Variants in TMEM65 observed in about 807,000 individuals in gnomAD.
TMEM65 encodes transmembrane protein 65.
In TMEM65, 22 loss-of-function variants were observed where a neutral mutation model predicts 25.4. The observed-to-expected ratio is 0.86, with a 90% CI of 0.62 to 1.23. The LOEUF (loss-of-function observed/expected upper bound fraction) is 1.23, where lower values mean the gene tolerates loss of function less well. Among genes scored for constraint, TMEM65 ranks in the 50% most tolerant of loss-of-function variants. The pLI is 0.00. For synonymous variants in TMEM65, 132 were observed against 126.2 expected, an observed-to-expected ratio of 1.05 and a Z score of -0.31; for missense variants, 262 against 308.2, an observed-to-expected ratio of 0.85 and a Z score of 1.12.
At chr8:124,360,893 T>C (rs1304275394) in intron 1 of TMEM65, among the ~76,000 whole-genome samples, 3 of 152,226 alleles carry the variant, frequency 2.0e-5, no homozygotes, top group Non-Finnish European at 4.4e-5. Flanking sequence ...TGTGTTAATA[T>C]TTGATAAATA....
intron 1 of TMEM65, among the ~76,000 whole-genome samples, chr8:124,344,147 C>T (rs1179153780): frequency 6.6e-6 from 1 of 152,130 alleles, no homozygotes; most frequent in Non-Finnish European, 1.5e-5. Context: ...TTATGATCAA[C>T]CACATATGTG....
chr8:124,322,928 G>A (rs1026219262), intron 4 of TMEM65, among the ~76,000 whole-genome samples: 18 of 151,962 alleles, frequency 1.2e-4, no homozygotes, highest in Admixed American at 1.3e-4. Context: ...CCTGGAGGTG[G>A]AGGTTGCAGT....
chr8:124,339,751 C>A (rs1014608128), intron 1 of TMEM65, among the ~76,000 whole-genome samples: 2 of 151,836 alleles, frequency 1.3e-5, no homozygotes, highest in African/African-American at 4.8e-5. Context: ...CAGGTAGGTA[C>A]CTTTTCAAAG....
intron 1 of TMEM65, among the ~76,000 whole-genome samples, chr8:124,338,754 A>G (rs905801089): frequency 2.0e-5 from 3 of 152,188 alleles, no homozygotes; most frequent in African/African-American, 7.2e-5. Context: ...CATCTAAAAT[A>G]CTTTTTAGGA....
intron 1 of TMEM65, among the ~76,000 whole-genome samples, chr8:124,339,564 C>G (rs1814560482): frequency 6.6e-6 from 1 of 151,934 alleles, no homozygotes; most frequent in Non-Finnish European, 1.5e-5. Flanking sequence ...AAAGTGAGAT[C>G]TGAAGTATAC....
At chr8:124,326,349 C>T (rs996668275) in intron 3 of TMEM65, among the ~76,000 whole-genome samples, 1 of 151,836 alleles carries the variant, frequency 6.6e-6, no homozygotes, top group South Asian at 2.1e-4. Flanking sequence ...TTGATAATTG[C>T]CATAATAACT....
chr8:124,372,471 A>C lies in TMEM65; in HGVS notation c.-314T>G, dbSNP rs1016937691. 1 of 154,306 alleles carries C rather than the reference A, an allele frequency of 6.5e-6. No homozygotes were observed. The highest frequency in any genetic ancestry group is 1.4e-5 in the Non-Finnish European group (1 of 69,846). The allele number at this position is 154,306 out of a possible 1,614,324, so 9.6% of individuals were successfully genotyped here. A position where few individuals can be genotyped will look rare whatever the true frequency, so the allele number is the denominator to read the frequency against. ...GGCGGGCGCCTCCCGGCTGAGGAGGAGCGGCGCGGGCGGGCGGGGCGGGCT... is the reference window on the plus strand; with the variant it reads ...GGCGGGCGCCTCCCGGCTGAGGAGGCGCGGCGCGGGCGGGCGGGGCGGGCT... On this transcript the variant is annotated 5_prime_UTR_variant, in exon 1 of 7. Transcript: ENST00000297632.
rs144957064 is a variant in TMEM65, at chr8:124,318,363, G to GTTTTTTTTTTTT, written c.621+1722_621+1723insAAAAAAAAAAAA. Among the ~76,000 whole-genome samples the GTTTTTTTTTTTT allele has an allele frequency of 1.9e-4, 14 of 73,842 alleles. 2 individuals are homozygous for GTTTTTTTTTTTT. The highest frequency in any genetic ancestry group is 6.7e-4 in the African/African-American group (12 of 17,870). 48.4% of individuals were successfully genotyped at this position (73,842 alleles called of 152,430 possible). On this transcript the variant is annotated intron_variant, in intron 6 of 6. Coordinates refer to ENST00000297632, the MANE Select transcript of TMEM65 (RefSeq NM_194291.3). ...TTGTTTTAAGCTGCTGAATTTGCAT[G>GTTTTTTTTTTTT]TTTTTGTTTTTTTTTTTTTTTTTTT...
At chr8:124,325,085 T>A (rs1814350676) in intron 3 of TMEM65, among the ~76,000 whole-genome samples, 1 of 151,960 alleles carries the variant, frequency 6.6e-6, no homozygotes, top group Non-Finnish European at 1.5e-5. Context: ...AGGCCAAATC[T>A]ATTACAAGAG....
rs931190378 is a variant in TMEM65, at chr8:124,372,641, G to A, written c.-484C>T. 6.2e-6 allele frequency: 1 copy of A among 161,152 alleles called. No individual in the cohort carries two copies. Among genetic ancestry groups the A allele is most frequent in the Non-Finnish European group, 1.3e-5 (1 of 75,068 alleles). The allele number at this position is 161,152 out of a possible 1,614,324, so 10.0% of individuals were successfully genotyped here. A position where few individuals can be genotyped will look rare whatever the true frequency, so the allele number is the denominator to read the frequency against. On this transcript the variant is annotated 5_prime_UTR_variant, in exon 1 of 7. Transcript: ENST00000297632. ...TCTGTAAGGTTCCCGAGCCCTCAAAGCAGCCGCGCTCCCGAGCCGCAGCCG... is the reference window on the plus strand; with the variant it reads ...TCTGTAAGGTTCCCGAGCCCTCAAAACAGCCGCGCTCCCGAGCCGCAGCCG...
chr8:124,361,928 T>C (rs984808415), intron 1 of TMEM65, among the ~76,000 whole-genome samples: 1 of 151,738 alleles, frequency 6.6e-6, no homozygotes, highest in Non-Finnish European at 1.5e-5. Context: ...TTCGCTCTTA[T>C]AGCCCAGGCT....
chr8:124,348,061 C>CG (rs1814661174), intron 1 of TMEM65, among the ~76,000 whole-genome samples: 1 of 151,578 alleles, frequency 6.6e-6, no homozygotes, highest in African/African-American at 2.4e-5. Context: ...AGGCAGTAGC[C>CG]GGGATTACAG....
chr8:124,331,781 A>G (rs4592013), intron 1 of TMEM65, among the ~76,000 whole-genome samples: 55,948 of 151,798 alleles, frequency 0.37, 10,607 homozygotes, highest in East Asian at 0.56. Context: ...TTATCCAAAG[A>G]AACGCATTAC....
intron 1 of TMEM65, among the ~76,000 whole-genome samples, chr8:124,367,410 T>G (rs182181185): frequency 3.3e-3 from 496 of 151,982 alleles, no homozygotes; most frequent in Admixed American, 5.0e-3. Flanking sequence ...GGAGATGGAG[T>G]TGCACTGAGC....
intron 2 of TMEM65, among the ~76,000 whole-genome samples, chr8:124,327,713 T>A (rs1007844023): frequency 6.6e-6 from 1 of 151,310 alleles, no homozygotes; most frequent in Non-Finnish European, 1.5e-5. Flanking sequence ...CACAAATATA[T>A]ACATACAATT....
chr8:124,320,275 G>A (rs1444802299), intron 5 of TMEM65, 84 bp from the exon 6 acceptor site: 1 of 1,035,172 alleles, frequency 9.7e-7, no homozygotes, highest in East Asian at 2.6e-5. Flanking sequence ...ACAAAGACAT[G>A]AGGACAAAAT....
intron 1 of TMEM65, among the ~76,000 whole-genome samples, chr8:124,346,671 T>C (rs1313829012): frequency 2.6e-5 from 4 of 152,240 alleles, no homozygotes; most frequent in African/African-American, 9.6e-5. Flanking sequence ...TGTCTAATTA[T>C]GCAGTTGCTG....
At chr8:124,354,777 C>G (rs28460280) in intron 1 of TMEM65, among the ~76,000 whole-genome samples, 11,506 of 152,248 alleles carry the variant, frequency 0.076, 456 homozygotes, top group African/African-American at 0.11. Context: ...ATTTCACCAG[C>G]ACACTACTCA....
In TMEM65 at chr8:124,312,592, T is replaced by C. The variant is rs1814177941; in HGVS notation, c.*1368A>G. The C allele has an allele frequency of 6.6e-6, 1 of 151,982 alleles. No homozygotes were observed. Among genetic ancestry groups the C allele is most frequent in the Non-Finnish European group, 1.5e-5 (1 of 67,866 alleles). 9.4% of individuals were successfully genotyped at this position (151,982 alleles called of 1,614,324 possible). ...CTCCATGATGTGTTTAATTACGCTG[T>C]TACAAGTAAGACTAATTTTTTAGCA... is the stretch of plus-strand genomic sequence containing the variant. On this transcript the variant is annotated 3_prime_UTR_variant, in exon 7 of 7. Coordinates refer to ENST00000297632, the MANE Select transcript of TMEM65 (RefSeq NM_194291.3).
Sources: allele counts gnomAD v4.1 joint callset (sites outside exome capture counted in the v4.1 genomes callset), GRCh38; gene constraint gnomAD v4.1.1; transcripts MANE v1.5; gene names NCBI Gene and HGNC (gene_info 2026-07-23, HGNC 2026-07-21).